The following KCNH7 variants were observed in gnomAD, a reference collection of about 807,000 sequenced individuals.
KCNH7 encodes voltage-gated inwardly rectifying potassium channel KCNH7.
A neutral mutation model predicts 120.8 loss-of-function variants in KCNH7; 49 were observed. The ratio of observed to expected loss-of-function variants is 0.41; its 90% CI spans 0.32 to 0.51. The LOEUF is 0.51. Ranked by LOEUF, KCNH7 falls within the 20% of genes least tolerant of loss-of-function variation. KCNH7 has a pLI of 0.38. For missense variants in KCNH7, 1,097 were observed against 1,446.6 expected (o/e 0.76, Z 3.92); for synonymous variants, 547 against 516.1 (o/e 1.06, Z -0.81).
chr2:162,657,587 T>C (rs1559067845), intron 2 of KCNH7, among the ~76,000 whole-genome samples: 2 of 152,188 alleles, frequency 1.3e-5, no homozygotes, highest in African/African-American at 4.8e-5. Flanking sequence ...TTTACCTACA[T>C]AAAAAATATT....
chr2:162,490,630 T>C (rs1690266785), intron 6 of KCNH7, among the ~76,000 whole-genome samples: 1 of 152,104 alleles, frequency 6.6e-6, no homozygotes. Context: ...ACCAAACCTC[T>C]TGTGAGCCAA....
In KCNH7 at chr2:162,435,239, T is replaced by A; in HGVS notation, c.1913A>T (p.Asn638Ile). The change falls in exon 8 of 16, where the codon AAT becomes ATT. Residue 638 changes from asparagine (N) to isoleucine (I), a missense_variant. Physicochemically the swap from Asn to Ile is moderately radical, Grantham distance 149. Around this residue, in one of 8 missense-constraint regions of KCNH7, gnomAD observed 24 missense variants for 105.8 expected, o/e 0.23. Transcript: ENST00000332142. Reference protein sequence around the residue: ...VGFGNVSPNTNSEKIFSICVM... With the variant: ...VGFGNVSPNTISEKIFSICVM... Reference sequence around the variant, plus strand: ...ACAAATTGAAAAGATTTTCTCCGAATTCGTGTTAGGAGACACATTCCCGAA... The same window carrying A: ...ACAAATTGAAAAGATTTTCTCCGAAATCGTGTTAGGAGACACATTCCCGAA... The A allele has an allele frequency of 6.2e-7, 1 of 1,613,600 alleles. No homozygotes were observed. The highest frequency in any genetic ancestry group is 8.5e-7 in the Non-Finnish European group (1 of 1,179,696).
intron 2 of KCNH7, among the ~76,000 whole-genome samples, chr2:162,570,831 G>A (rs10189070): frequency 0.52 from 78,486 of 151,856 alleles, 20,521 homozygotes; most frequent in Middle Eastern, 0.62. Flanking sequence ...AAAGGCCTTT[G>A]ACAAAATTCA....
chr2:162,779,922 A>G (rs1213114441), intron 2 of KCNH7, among the ~76,000 whole-genome samples: 2 of 152,122 alleles, frequency 1.3e-5, no homozygotes, highest in Non-Finnish European at 2.9e-5. Context: ...CCACTTCCTC[A>G]AGGTACATGT....
intron 2 of KCNH7, among the ~76,000 whole-genome samples, chr2:162,799,080 T>C (rs1022597960): frequency 1.3e-5 from 2 of 152,064 alleles, no homozygotes; most frequent in African/African-American, 2.4e-5. Flanking sequence ...GTTTTGTGTC[T>C]ATTACCAAAA....
intron 11 of KCNH7, among the ~76,000 whole-genome samples, chr2:162,396,395 A>T (rs1379005359): frequency 1.3e-5 from 2 of 151,804 alleles, no homozygotes; most frequent in Admixed American, 6.6e-5. Flanking sequence ...TCTGTATAAG[A>T]TAAACTCAAG....
At chr2:162,788,632 C>A (rs1224174136) in intron 2 of KCNH7, among the ~76,000 whole-genome samples, 2 of 151,428 alleles carry the variant, frequency 1.3e-5, no homozygotes, top group Non-Finnish European at 2.9e-5. Context: ...CTATGGGAGA[C>A]CATCAAGTGA....
intron 6 of KCNH7, among the ~76,000 whole-genome samples, chr2:162,477,817 T>TATCC (rs4001398): frequency 0.13 from 19,719 of 148,928 alleles, 1,492 homozygotes; most frequent in African/African-American, 0.21. Flanking sequence ...CCCAAACATC[T>TATCC]ATCCATCCAT....
intron 2 of KCNH7, among the ~76,000 whole-genome samples, chr2:162,680,413 A>G (rs1250628261): frequency 2.0e-5 from 3 of 151,776 alleles, no homozygotes; most frequent in Non-Finnish European, 3.0e-5. Context: ...TGTGATGTGC[A>G]TATACAACAC....
chr2:162,780,463 C>A (rs539208581), intron 2 of KCNH7, among the ~76,000 whole-genome samples: 11 of 152,270 alleles, frequency 7.2e-5, no homozygotes, highest in African/African-American at 2.4e-4. Context: ...CCAGCCAGTG[C>A]TAGGGTAGTT....
intron 2 of KCNH7, among the ~76,000 whole-genome samples, chr2:162,654,404 C>G (rs529781680): frequency 1.3e-5 from 2 of 150,776 alleles, no homozygotes; most frequent in African/African-American, 4.9e-5. Flanking sequence ...AAATGTCCAA[C>G]ATCACTAATC....
intron 2 of KCNH7, among the ~76,000 whole-genome samples, chr2:162,645,917 A>C (rs2105247743): frequency 6.6e-6 from 1 of 152,298 alleles, no homozygotes; most frequent in Admixed American, 6.5e-5. Flanking sequence ...CGATCTACAC[A>C]AATCACCCTT....
intron 6 of KCNH7, among the ~76,000 whole-genome samples, chr2:162,469,897 C>G (rs879681845): frequency 6.6e-6 from 1 of 152,178 alleles, no homozygotes; most frequent in South Asian, 2.1e-4. Flanking sequence ...TTGGTGGAGA[C>G]GGGGTTTCGC....
chr2:162,693,419 A>G (rs1201381419), intron 2 of KCNH7, among the ~76,000 whole-genome samples: 1 of 152,180 alleles, frequency 6.6e-6, no homozygotes, highest in African/African-American at 2.4e-5. Flanking sequence ...ACAGCATGAC[A>G]TTTGTGTTTT....
chr2:162,770,825 G>T (rs181871714), intron 2 of KCNH7, among the ~76,000 whole-genome samples: 1 of 151,720 alleles, frequency 6.6e-6, no homozygotes, highest in East Asian at 1.9e-4. Flanking sequence ...TGCAACTAAC[G>T]TCCCACTAGT....
chr2:162,750,352 TA>T (rs959689408), intron 2 of KCNH7, among the ~76,000 whole-genome samples: 1 of 151,550 alleles, frequency 6.6e-6, no homozygotes, highest in African/African-American at 2.4e-5. Flanking sequence ...ATTTAAAAAA[TA>T]AAAAAAACTG....
intron 2 of KCNH7, among the ~76,000 whole-genome samples, chr2:162,582,919 G>A (rs148300418): frequency 7.8e-4 from 118 of 152,204 alleles, no homozygotes; most frequent in African/African-American, 2.8e-3. Flanking sequence ...AGAAACAAAT[G>A]AGAGTTTGAT....
chr2:162,778,946 C>CTTTTTTTTTTTTT (rs200107249), intron 2 of KCNH7, among the ~76,000 whole-genome samples: 2 of 136,492 alleles, frequency 1.5e-5, no homozygotes, highest in Non-Finnish European at 3.2e-5. Flanking sequence ...GGAACAAATT[C>CTTTTTTTTTTTTT]TTTTTTTTTT....
intron 6 of KCNH7, among the ~76,000 whole-genome samples, chr2:162,466,873 T>C (rs1224044752): frequency 1.3e-5 from 2 of 152,148 alleles, no homozygotes; most frequent in Admixed American, 1.3e-4. Context: ...GTATTAAATG[T>C]AAAATAGAAT....
Sources: allele counts gnomAD v4.1 joint callset (sites outside exome capture counted in the v4.1 genomes callset), GRCh38; gene constraint gnomAD v4.1.1; regional missense constraint gnomAD v4.1.1; transcripts MANE v1.5; gene names NCBI Gene and HGNC (gene_info 2026-07-23, HGNC 2026-07-21).